Variants in SP6 observed in about 807,000 individuals in gnomAD.
SP6 encodes Sp6 transcription factor, also known as transcription factor Sp6.
Under a neutral mutation model 23.4 loss-of-function variants are expected in SP6, and 10 were observed. The ratio of observed to expected loss-of-function variants is 0.43; its 90% confidence interval spans 0.26 to 0.72. SP6 has a LOEUF of 0.72. Among genes scored for constraint, SP6 ranks in the 30% least tolerant of loss-of-function variants. The pLI is 0.23. For synonymous variants in SP6, 238 were observed against 238.7 expected, an observed-to-expected ratio of 1.00 and a Z score of 0.03; for missense variants, 482 against 523.8, an observed-to-expected ratio of 0.92 and a Z score of 0.78.
the SP6 span, chr17:47,864,547 G>T: frequency 6.6e-6 from 1 of 152,312 alleles, no homozygotes; most frequent in Non-Finnish European, 1.5e-5. Context: ...GGGATTACAG[G>T]TGTGAGCCAC....
At chr17:47,851,927 GC>G (rs2033961073), upstream of SP6, among the ~76,000 whole-genome samples, 1 of 151,406 alleles carries the variant, frequency 6.6e-6, no homozygotes, top group Non-Finnish European at 1.5e-5. Flanking sequence ...CTGTCACTCT[GC>G]CCCTCCCCTT....
At chr17:47,859,375 G>T (rs1191819494), upstream of SP6, among the ~76,000 whole-genome samples, 12 of 152,184 alleles carry the variant, frequency 7.9e-5, no homozygotes, top group Admixed American at 5.9e-4. Flanking sequence ...CTCTGCAAAG[G>T]CTTCTCTTAT....
Position 47,848,552 on chromosome 17 carries a change from T to A in SP6, c.-57-66A>T. The stretch of plus-strand genomic sequence containing the variant: ...AGCTCACTTTCCCTCCTAACCCAGG[T>A]CCTCCTCTCTGGCCCCAGGTGTAAA... On this transcript the variant is annotated intron_variant, in intron 1 of 1. Transcript: ENST00000536300. This position sits in a 1 kb window ranked among gnomAD's most constrained non-coding sequence, Gnocchi z 5.3. 1 of 886,334 alleles carries A rather than the reference T, an allele frequency of 1.1e-6. No homozygotes were observed. Among genetic ancestry groups the A allele is most frequent in the Non-Finnish European group, 1.7e-6 (1 of 592,958 alleles). The allele number at this position is 886,334 out of a possible 1,614,324, so 54.9% of individuals were successfully genotyped here.
chr17:47,875,902 T>G, the SP6 span, among the ~76,000 whole-genome samples: 1 of 152,186 alleles, frequency 6.6e-6, no homozygotes, highest in Non-Finnish European at 1.5e-5. Flanking sequence ...CTCCTTGCCC[T>G]CAGCACAGGA....
upstream of SP6, among the ~76,000 whole-genome samples, chr17:47,854,703 T>C (rs770994306): frequency 2.0e-5 from 3 of 152,242 alleles, no homozygotes; most frequent in Non-Finnish European, 2.9e-5. Flanking sequence ...GATTGCACTA[T>C]GAGAATATCA....
rs1339036771 is a variant in SP6 at position 47,846,958 on chromosome 17, G to C, written c.*341C>G. The C allele has an allele frequency of 3.8e-6, 1 of 260,830 alleles. No individual in the cohort carries two copies. The highest frequency in any genetic ancestry group is 2.2e-5 in the African/African-American group (1 of 44,940). 16.2% of individuals were successfully genotyped at this position (260,830 alleles called of 1,614,324 possible). A position where few individuals can be genotyped will look rare whatever the true frequency, so the allele number is the denominator to read the frequency against. ...CGGCCCCACTTCTCTCTGCTCCGGG[G>C]ACTGGGACTTGCTGTCTCCTCTAGC... On this transcript the variant is annotated 3_prime_UTR_variant, in exon 2 of 2. Coordinates refer to ENST00000536300, the MANE Select transcript of SP6 (RefSeq NM_001258248.2).
the SP6 span, chr17:47,863,289 T>A: frequency 6.6e-6 from 1 of 152,272 alleles, no homozygotes; most frequent in Non-Finnish European, 1.5e-5. Context: ...GTTCCAGGCA[T>A]GTGCTTGGTA....
the SP6 span, among the ~76,000 whole-genome samples, chr17:47,863,738 ATTT>A: frequency 4.0e-5 from 4 of 98,796 alleles, no homozygotes; most frequent in East Asian, 3.1e-4. Context: ...CTAATTTTGT[ATTT>A]TTTTTTTTTT....
the SP6 span, among the ~76,000 whole-genome samples, chr17:47,863,146 G>A: frequency 6.6e-6 from 1 of 152,278 alleles, no homozygotes; most frequent in African/African-American, 2.4e-5. Flanking sequence ...AGGAGGATGG[G>A]ATGGAGCATG....
chr17:47,859,775 A>G (rs939986250), upstream of SP6, among the ~76,000 whole-genome samples: 4 of 152,198 alleles, frequency 2.6e-5, no homozygotes, highest in Admixed American at 2.6e-4. Context: ...TATCTGGGAC[A>G]TGCAGGGTTG....
At chr17:47,870,104 C>T in the SP6 span, among the ~76,000 whole-genome samples, 2 of 152,120 alleles carry the variant, frequency 1.3e-5, no homozygotes, top group Non-Finnish European at 2.9e-5. Context: ...GCAGAGCCAA[C>T]ACATTGATAC....
chr17:47,846,959 A>C lies in SP6; in HGVS notation c.*340T>G. On this transcript the variant is annotated 3_prime_UTR_variant, in exon 2 of 2. Transcript: ENST00000536300. The stretch of plus-strand genomic sequence containing the variant: ...GGCCCCACTTCTCTCTGCTCCGGGG[A>C]CTGGGACTTGCTGTCTCCTCTAGCC... The C allele has an allele frequency of 4.4e-5, 11 of 248,088 alleles. No individual in the cohort carries two copies. Among genetic ancestry groups the C allele is most frequent in the Non-Finnish European group, 7.7e-5 (10 of 130,112 alleles). 15.4% of individuals were successfully genotyped at this position (248,088 alleles called of 1,614,324 possible).
At chr17:47,865,923 C>A in the SP6 span, among the ~76,000 whole-genome samples, 1 of 152,180 alleles carries the variant, frequency 6.6e-6, no homozygotes, top group Admixed American at 6.5e-5. Flanking sequence ...TAATTTTTCT[C>A]TCCCCACCCC....
At chr17:47,858,765 A>ATTTT (rs1378977037), upstream of SP6, among the ~76,000 whole-genome samples, 3 of 109,042 alleles carry the variant, frequency 2.8e-5, no homozygotes, top group Non-Finnish European at 4.0e-5. Context: ...CAGATGAAGC[A>ATTTT]TCTTTTTTTT....
At chr17:47,865,661 G>C in the SP6 span, among the ~76,000 whole-genome samples, 2 of 152,322 alleles carry the variant, frequency 1.3e-5, no homozygotes, top group South Asian at 2.1e-4. Context: ...TCCAGGCCAG[G>C]ATCGGAGGGT....
the SP6 span, among the ~76,000 whole-genome samples, chr17:47,860,962 C>G: frequency 6.6e-6 from 1 of 152,126 alleles, no homozygotes; most frequent in Non-Finnish European, 1.5e-5. Context: ...CCAGGGTCAT[C>G]CAGAGAACCT....
upstream of SP6, among the ~76,000 whole-genome samples, chr17:47,860,748 A>C (rs1385129324): frequency 6.9e-6 from 1 of 145,308 alleles, no homozygotes; most frequent in African/African-American, 2.5e-5. Flanking sequence ...ATAAATAAAT[A>C]AATCCCTTTT....
At chr17:47,874,019 T>C in the SP6 span, among the ~76,000 whole-genome samples, 1 of 149,112 alleles carries the variant, frequency 6.7e-6, no homozygotes, top group Admixed American at 6.7e-5. Flanking sequence ...CCTCCCTCCT[T>C]CTTCCCTCCT....
chr17:47,862,072 G>A, the SP6 span, among the ~76,000 whole-genome samples: 1 of 151,246 alleles, frequency 6.6e-6, no homozygotes, highest in Non-Finnish European at 1.5e-5. Context: ...GCCTGGCATG[G>A]TGGTGGCTCA....
Sources: allele counts gnomAD v4.1 joint callset (sites outside exome capture counted in the v4.1 genomes callset), GRCh38; gene constraint gnomAD v4.1.1; non-coding constraint Gnocchi (gnomAD v3.1); transcripts MANE v1.5; gene names NCBI Gene and HGNC (gene_info 2026-07-23, HGNC 2026-07-21).